Variants in RSF1 observed in about 807,000 individuals in gnomAD.
RSF1 encodes the protein HBV pX-associated protein 8.
Under a neutral mutation model 145.2 loss-of-function variants are expected in RSF1, and 13 were observed. The ratio of observed to expected loss-of-function variants is 0.09; its 90% CI spans 0.06 to 0.14. RSF1 has a LOEUF of 0.14. RSF1 is among the 10% of genes least tolerant of loss of function. The probability of loss-of-function intolerance (pLI) is 1.00; values close to 1 mark genes in which losing one functional copy is unlikely to be tolerated. For synonymous variants in RSF1, 577 were observed against 592.6 expected, an observed-to-expected ratio of 0.97 and a Z score of 0.38; for missense variants, 1,517 against 1,718.2, an observed-to-expected ratio of 0.88 and a Z score of 2.07.
At chr11:77,707,387 A>T (rs766823330) in intron 5 of RSF1, among the ~76,000 whole-genome samples, 4 of 152,362 alleles carry the variant, frequency 2.6e-5, no homozygotes, top group South Asian at 2.1e-4. Context: ...ATATTTCACC[A>T]ACCTACAAAG....
intron 4 of RSF1, among the ~76,000 whole-genome samples, chr11:77,737,778 A>G (rs1474003293): frequency 6.6e-6 from 1 of 152,124 alleles, no homozygotes; most frequent in Admixed American, 6.6e-5. Context: ...CTGCTGATAA[A>G]TATTTCTTTA....
At chr11:77,688,335 G>A (rs746493838) in intron 9 of RSF1, among the ~76,000 whole-genome samples, 9 of 152,142 alleles carry the variant, frequency 5.9e-5, no homozygotes, top group Admixed American at 2.0e-4. Flanking sequence ...CTTAGTGGAT[G>A]AGCCTATTAG....
At position 77,702,266 on chromosome 11, in the gene RSF1, G is replaced by C. The variant is rs185843563; in HGVS notation, c.963C>G (p.Pro321=). 1.2e-5 allele frequency: 19 copies of C among 1,609,460 alleles called. No homozygotes were observed. In the Admixed American group the frequency reaches 1.5e-4, roughly 13 times the overall value. Residue 321 remains proline, a synonymous_variant, in exon 6 of 16, where the codon CCC becomes CCG. Transcript: ENST00000308488. The stretch of plus-strand genomic sequence containing the variant: ...TACATTCCTTCACCTCAACTTTAAT[G>C]GGTTTGACATTTTCCTTGAAGGAAT... ...ESDSFKENVK[P]IKVEVKECRA...
upstream of RSF1, among the ~76,000 whole-genome samples, chr11:77,825,762 G>C (rs1949141947): frequency 6.6e-6 from 1 of 151,550 alleles, no homozygotes; most frequent in African/African-American, 2.4e-5. Context: ...CACGATCTAG[G>C]CTCACTGCAA....
At chr11:77,850,778 A>G in the RSF1 span, 1 of 48,374 alleles carries the variant, frequency 2.1e-5, no homozygotes, top group Non-Finnish European at 3.9e-5. Flanking sequence ...ACACACATAC[A>G]CACACATACA....
Position 77,666,817 on chromosome 11 carries a change from T to C in RSF1, c.*100A>G. 2 of 956,870 alleles carry C rather than the reference T, an allele frequency of 2.1e-6. No individual in the cohort carries two copies. The highest frequency in any genetic ancestry group is 2.2e-5 in the South Asian group (1 of 45,530). 59.3% of individuals were successfully genotyped at this position (956,870 alleles called of 1,614,324 possible). ...AATTTTTCTTCTAAAAGTCATTCTG[T>C]AGTGGAGTTTTCTAGGAAAAATTAA... is the stretch of plus-strand genomic sequence containing the variant. On this transcript the variant is annotated 3_prime_UTR_variant, in exon 16 of 16. Transcript: ENST00000308488.
the RSF1 span, chr11:77,842,713 C>A: frequency 2.6e-6 from 4 of 1,541,908 alleles, no homozygotes; most frequent in Non-Finnish European, 3.5e-6. Flanking sequence ...AAGTGAAAAA[C>A]TATTTCTCTT....
intron 15 of RSF1, among the ~76,000 whole-genome samples, chr11:77,671,236 AC>A (rs1385716925): frequency 7.0e-6 from 1 of 143,238 alleles, no homozygotes; most frequent in African/African-American, 2.6e-5. Flanking sequence ...TTTAAGTAAA[AC>A]AAAAAAGACT....
At chr11:77,674,021 T>C (rs1230808474) in intron 14 of RSF1, among the ~76,000 whole-genome samples, 1 of 152,178 alleles carries the variant, frequency 6.6e-6, no homozygotes, top group African/African-American at 2.4e-5. Context: ...TGGAGATACT[T>C]GTTAAAAATT....
In RSF1 at chr11:77,667,904, T is replaced by C. The variant is rs190651369; in HGVS notation, c.3752-413A>G. Among the ~76,000 whole-genome samples, 4 of 150,858 alleles carry C rather than the reference T, an allele frequency of 2.7e-5. No homozygotes were observed. In the East Asian group the frequency reaches 5.9e-4, roughly 22 times the overall value. On this transcript the variant is annotated intron_variant, in intron 15 of 15. Coordinates refer to ENST00000308488, the MANE Select transcript of RSF1 (RefSeq NM_016578.4). ...ATTTTTAGTAGAGACGGGGTTTCAC[T>C]ATGTTGGCCAAGCTGGTCTCGAACT...
chr11:77,776,424 G>A (rs1948343207), intron 1 of RSF1, among the ~76,000 whole-genome samples: 1 of 152,046 alleles, frequency 6.6e-6, no homozygotes, highest in Non-Finnish European at 1.5e-5. Context: ...TAAGTGATCA[G>A]CTCATACCTT....
At chr11:77,781,808 GT>G (rs1456349759) in intron 1 of RSF1, among the ~76,000 whole-genome samples, 29 of 152,134 alleles carry the variant, frequency 1.9e-4, no homozygotes, top group Non-Finnish European at 4.3e-4. Flanking sequence ...CATTGTATAT[GT>G]TTTTTAAGTT....
At chr11:77,830,162 A>G in the RSF1 span, 1 of 152,254 alleles carries the variant, frequency 6.6e-6, no homozygotes, top group African/African-American at 2.4e-5. Context: ...TCAAAAGACA[A>G]CCTACAAAAT....
At chr11:77,789,194 G>A (rs184450571) in intron 1 of RSF1, among the ~76,000 whole-genome samples, 19 of 152,252 alleles carry the variant, frequency 1.2e-4, no homozygotes, top group Admixed American at 2.0e-4. Flanking sequence ...TGTTCCCACC[G>A]TGGATTTCTG....
the RSF1 span, among the ~76,000 whole-genome samples, chr11:77,827,103 C>CA: frequency 3.8e-4 from 55 of 144,076 alleles, no homozygotes; most frequent in South Asian, 8.9e-4. Flanking sequence ...AAACTCGTCT[C>CA]AAAAAAAAAA....
At chr11:77,676,692 A>T in intron 13 of RSF1, 100 bp downstream of exon 13, 1 of 917,254 alleles carries the variant, frequency 1.1e-6, no homozygotes, top group South Asian at 2.1e-5. Flanking sequence ...TATGTACATG[A>T]AGAAGAAAAC....
chr11:77,807,247 C>T (rs548138410), intron 1 of RSF1, among the ~76,000 whole-genome samples: 3 of 152,248 alleles, frequency 2.0e-5, no homozygotes, highest in South Asian at 2.1e-4. Context: ...TTCCCTGCCT[C>T]GAATGCTTTT....
the RSF1 span, among the ~76,000 whole-genome samples, chr11:77,854,933 C>A: frequency 3.3e-5 from 5 of 152,218 alleles, no homozygotes; most frequent in African/African-American, 4.8e-5. Context: ...AAAAACTAGG[C>A]AGAGGCTCCC....
chr11:77,731,867 G>A (rs1329559206), intron 4 of RSF1, among the ~76,000 whole-genome samples: 3 of 152,232 alleles, frequency 2.0e-5, no homozygotes, highest in Non-Finnish European at 4.4e-5. Context: ...TTTCCTGCAG[G>A]GGTTGGGGGC....
Sources: allele counts gnomAD v4.1 joint callset (sites outside exome capture counted in the v4.1 genomes callset), GRCh38; gene constraint gnomAD v4.1.1; transcripts MANE v1.5; gene names NCBI Gene and HGNC (gene_info 2026-07-23, HGNC 2026-07-21).